Variants in TRPC7 observed in about 807,000 individuals in gnomAD.
TRPC7 encodes transient receptor potential cation channel subfamily C member 7, also known as short transient receptor potential channel 7.
A neutral mutation model predicts 90.1 loss-of-function variants in TRPC7; 42 were observed. The ratio of observed to expected loss-of-function variants is 0.47; its 90% CI spans 0.36 to 0.60. The LOEUF is 0.60. Among genes scored for constraint, TRPC7 ranks in the 20% least tolerant of loss-of-function variants. The pLI is 0.00. For synonymous variants in TRPC7, 451 were observed against 436.3 expected (o/e 1.03, Z -0.42); for missense variants, 955 against 1,112.3 (o/e 0.86, Z 2.01).
intron 2 of TRPC7, among the ~76,000 whole-genome samples, chr5:136,341,853 G>A (rs1457314231): frequency 2.0e-5 from 3 of 152,078 alleles, no homozygotes; most frequent in African/African-American, 4.8e-5. Flanking sequence ...AGCACAGTTC[G>A]GTTCCTGTCC....
intron 6 of TRPC7, among the ~76,000 whole-genome samples, chr5:136,249,838 A>C (rs144787903): frequency 0.013 from 1,922 of 152,324 alleles, 42 homozygotes; most frequent in African/African-American, 0.044. Context: ...GGTTGGAAGG[A>C]GCCACCGTCC....
At chr5:136,348,948 G>A (rs1387255488) in intron 2 of TRPC7, among the ~76,000 whole-genome samples, 1 of 151,930 alleles carries the variant, frequency 6.6e-6, no homozygotes, top group Non-Finnish European at 1.5e-5. Context: ...ACTACTCATT[G>A]GCTAACATCC....
intron 5 of TRPC7, among the ~76,000 whole-genome samples, chr5:136,254,346 G>T (rs1385034674): frequency 6.6e-6 from 1 of 152,132 alleles, no homozygotes; most frequent in African/African-American, 2.4e-5. Context: ...AGCTGTGTAG[G>T]GCAGGCTGAC....
chr5:136,281,830 C>A (rs901847390), intron 3 of TRPC7, among the ~76,000 whole-genome samples: 2 of 152,186 alleles, frequency 1.3e-5, no homozygotes, highest in African/African-American at 4.8e-5. Context: ...TAAACCTCAG[C>A]AAACTTCTGT....
chr5:136,327,449 C>T (rs1759376229), intron 2 of TRPC7, among the ~76,000 whole-genome samples: 2 of 152,140 alleles, frequency 1.3e-5, no homozygotes, highest in South Asian at 4.1e-4. Flanking sequence ...GTCCTCAGGG[C>T]AGCCAGTCTT....
chr5:136,304,142 C>T (rs55904300), intron 3 of TRPC7, among the ~76,000 whole-genome samples: 95,154 of 151,088 alleles, frequency 0.63, 30,520 homozygotes, highest in African/African-American at 0.77. Context: ...TCATTGCTGC[C>T]CTTCTTCCCA....
At chr5:136,280,108 C>T (rs1372249624) in intron 3 of TRPC7, among the ~76,000 whole-genome samples, 3 of 152,114 alleles carry the variant, frequency 2.0e-5, no homozygotes, top group African/African-American at 4.8e-5. Context: ...TGCAGTGAGC[C>T]GAGATTGCAC....
At chr5:136,291,631 G>T (rs573383546) in intron 3 of TRPC7, among the ~76,000 whole-genome samples, 1 of 152,150 alleles carries the variant, frequency 6.6e-6, no homozygotes, top group Non-Finnish European at 1.5e-5. Flanking sequence ...GGAGCACCCA[G>T]GTTCATAAAG....
At chr5:136,359,049 C>G (rs1342678144) in intron 1 of TRPC7, among the ~76,000 whole-genome samples, 1 of 152,088 alleles carries the variant, frequency 6.6e-6, no homozygotes, top group African/African-American at 2.4e-5. Context: ...AAAATGATCA[C>G]AGAGAAAGGC....
intron 7 of TRPC7, among the ~76,000 whole-genome samples, chr5:136,232,738 C>T (rs560314133): frequency 2.0e-4 from 31 of 152,274 alleles, no homozygotes; most frequent in Non-Finnish European, 4.1e-4. Context: ...GACCTAGAAT[C>T]GAATAAGAAA....
intron 4 of TRPC7, among the ~76,000 whole-genome samples, chr5:136,273,398 G>A (rs6897757): frequency 0.023 from 3,542 of 152,240 alleles, 151 homozygotes; most frequent in African/African-American, 0.081. Context: ...ATGATAAACT[G>A]CCATAGAAGC....
intron 2 of TRPC7, among the ~76,000 whole-genome samples, chr5:136,328,766 A>G (rs1470135588): frequency 6.6e-6 from 1 of 152,258 alleles, no homozygotes; most frequent in African/African-American, 2.4e-5. Flanking sequence ...GTTAGCAGAG[A>G]GCATAAGCAC....
chr5:136,253,387 T>A (rs925121763), intron 5 of TRPC7, among the ~76,000 whole-genome samples: 1 of 152,240 alleles, frequency 6.6e-6, no homozygotes, highest in Non-Finnish European at 1.5e-5. Flanking sequence ...AGACTGTGTT[T>A]TTTTCAAATT....
intron 2 of TRPC7, among the ~76,000 whole-genome samples, chr5:136,323,279 C>A (rs1759252737): frequency 6.6e-6 from 1 of 152,088 alleles, no homozygotes; most frequent in Non-Finnish European, 1.5e-5. Flanking sequence ...TATTAAACTT[C>A]TTTTTTTTCA....
intron 5 of TRPC7, among the ~76,000 whole-genome samples, chr5:136,256,895 A>G (rs951079227): frequency 6.6e-5 from 10 of 152,266 alleles, no homozygotes; most frequent in African/African-American, 1.4e-4. Flanking sequence ...TTTCCCAGAC[A>G]TTAACCCAAG....
chr5:136,333,312 G>GC (rs1219341395), intron 2 of TRPC7, among the ~76,000 whole-genome samples: 1 of 152,056 alleles, frequency 6.6e-6, no homozygotes, highest in Non-Finnish European at 1.5e-5. Context: ...TTGGAACAGG[G>GC]CATTCCAAGC....
chr5:136,274,944 C>T, intron 3 of TRPC7, 107 bp from the exon 4 acceptor site: 6 of 1,310,874 alleles, frequency 4.6e-6, no homozygotes. Context: ...AAATGCTCCA[C>T]CTGGGGGGTG....
intron 3 of TRPC7, among the ~76,000 whole-genome samples, chr5:136,295,322 T>A (rs2149827317): frequency 6.6e-6 from 1 of 152,334 alleles, no homozygotes; most frequent in South Asian, 2.1e-4. Context: ...AGTATTATGT[T>A]GCTTTTATTA....
At chr5:136,253,655 A>G (rs962314989) in intron 5 of TRPC7, among the ~76,000 whole-genome samples, 1 of 152,108 alleles carries the variant, frequency 6.6e-6, no homozygotes, top group Non-Finnish European at 1.5e-5. Context: ...GTGTGTTCTG[A>G]CTGCTCCACT....
Sources: allele counts gnomAD v4.1 joint callset (sites outside exome capture counted in the v4.1 genomes callset), GRCh38; gene constraint gnomAD v4.1.1; transcripts MANE v1.5; gene names NCBI Gene and HGNC (gene_info 2026-07-23, HGNC 2026-07-21).